POM121L2: variants seen among roughly 807,000 people sequenced by gnomAD.
POM121L2 encodes the protein POM121-like protein 2.
For missense variants in POM121L2, 1,167 were observed against 1,260.3 expected (o/e 0.93, Z 1.12); for synonymous variants, 459 against 483.8 (o/e 0.95, Z 0.67).
upstream of POM121L2, chr6:27,311,352 ACTTCT>A: frequency 6.4e-7 from 1 of 1,551,696 alleles, no homozygotes; most frequent in South Asian, 1.2e-5. Flanking sequence ...CACTGGGAAC[ACTTCT>A]CTTCCAAGGG....
rs1326764087 is a variant in POM121L2, at chr6:27,309,251, G to C, written c.2920C>G (p.Pro974Ala). 1.3e-6 allele frequency: 2 copies of C among 1,551,832 alleles called. No homozygotes were observed. The highest frequency in any genetic ancestry group is 1.7e-6 in the Non-Finnish European group (2 of 1,147,012). The change falls in exon 1 of 1, where the codon CCA becomes GCA. Residue 974 changes from proline (P) to alanine (A), a missense_variant. Transcript: ENST00000444565. ...KTMAPIAQNTPVPGQAKAGSS... is the reference protein window; with the variant it reads ...KTMAPIAQNTAVPGQAKAGSS... ...CCTGCCTTAGCTTGTCCAGGGACTGGGGTGTTTTGAGCAATGGGGGCCATA... is the reference window on the plus strand; with the variant it reads ...CCTGCCTTAGCTTGTCCAGGGACTGCGGTGTTTTGAGCAATGGGGGCCATA...
At position 27,311,059 on chromosome 6, in the gene POM121L2, T is replaced by C; in HGVS notation, c.1112A>G (p.Asn371Ser). 6.4e-7 allele frequency: 1 copy of C among 1,552,038 alleles called. No homozygotes were observed. The highest frequency in any genetic ancestry group is 8.7e-7 in the Non-Finnish European group (1 of 1,147,070). The change falls in exon 1 of 1, where the codon AAC becomes AGC. Residue 371 changes from asparagine to serine, a missense_variant. Asn to Ser is a conservative substitution (Grantham distance 46). Transcript: ENST00000444565. ...NNAGEDTTEV[N>S]TDPFPETWLA... ...CCAAGTCTCAGGGAAAGGGTCTGTG[T>C]TGACCTCAGTTGTATCTTCTCCTGC...
Position 27,309,568 on chromosome 6 carries a change from A to G in POM121L2, c.2603T>C (p.Val868Ala). 2 of 1,551,968 alleles carry G rather than the reference A, an allele frequency of 1.3e-6. No individual in the cohort carries two copies. Among genetic ancestry groups the G allele is most frequent in the South Asian group, 2.4e-5 (2 of 84,062 alleles). ...SQASTTGFRI[V>A]IQTHQSGAFG... ...AGCCCCACTTTGGTGGGTCTGAATT[A>G]CAATTCTAAACCCAGTTGTACTAGC... Residue 868 changes from valine (V) to alanine (A), a missense_variant, in exon 1 of 1, where the codon GTA (valine) becomes GCA (alanine). Coordinates refer to ENST00000444565, the MANE Select transcript of POM121L2 (RefSeq NM_033482.4).
Position 27,310,199 on chromosome 6 carries a change from C to G in POM121L2, c.1972G>C (p.Val658Leu), listed in dbSNP as rs542468240. 4.5e-6 allele frequency: 7 copies of G among 1,552,228 alleles called. No individual in the cohort carries two copies. Among genetic ancestry groups the G allele is most frequent in the South Asian group, 2.4e-5 (2 of 84,054 alleles). The change falls in exon 1 of 1, where the codon GTC (valine) becomes CTC (leucine). Residue 658 changes from valine to leucine, a missense_variant. By Grantham distance (32) the Val-to-Leu change is conservative (BLOSUM62 1). Coordinates refer to ENST00000444565, the MANE Select transcript of POM121L2 (RefSeq NM_033482.4). ...AGGAAAGTGTCGCAAGTGGAAGGGACAGAATAAGTGTTGCCTACGGCACTG... is the reference window on the plus strand; with the variant it reads ...AGGAAAGTGTCGCAAGTGGAAGGGAGAGAATAAGTGTTGCCTACGGCACTG... Reference protein sequence around the residue: ...VTSAVGNTYSVPSTCDTFLLG... With the variant: ...VTSAVGNTYSLPSTCDTFLLG...
At position 27,310,298 on chromosome 6, in the gene POM121L2, A is replaced by G; in HGVS notation, c.1873T>C (p.Ser625Pro). 6.4e-7 allele frequency: 1 copy of G among 1,552,348 alleles called. No individual in the cohort carries two copies. Among genetic ancestry groups the G allele is most frequent in the Non-Finnish European group, 8.7e-7 (1 of 1,147,126 alleles). ...GLVKATSVVM[S>P]TTLASTSKDS... Reference sequence around the variant, plus strand: ...TTAGATGTGCTGGCTAGGGTGGTGGACATGACCACAGAGGTGGCCTTGACC... The same window carrying G: ...TTAGATGTGCTGGCTAGGGTGGTGGGCATGACCACAGAGGTGGCCTTGACC... The change falls in exon 1 of 1, where the codon TCC (serine) becomes CCC (proline). Residue 625 changes from serine (S) to proline (P), a missense_variant. Transcript: ENST00000444565.
chr6:27,310,668 T>TG lies in POM121L2; in HGVS notation c.216+428dup, dbSNP rs1362794376. On this transcript the variant is annotated intron_variant, in intron 1 of 1. Transcript: ENST00000429945. ...CAAGCAAAGTACTTTGGATGGTGGG[T>TG]GGTGCAGGTGGGTCTGGGGGCATGG... 4.5e-5 allele frequency: 70 copies of TG among 1,551,614 alleles called. No individual in the cohort carries two copies. The East Asian group carries it at 1.7e-3, about 38-fold the overall frequency.
rs1306422431 is a variant in POM121L2, at chr6:27,309,359, C to T, written c.2812G>A (p.Gly938Ser). The change falls in exon 1 of 1, where the codon GGC becomes AGC. Residue 938 changes from glycine to serine, a missense_variant. Physicochemically the swap from Gly to Ser is moderately conservative, Grantham distance 56 (BLOSUM62 0). Transcript: ENST00000444565. ...TTNTMIPFGK[G>S]WSQNTEGLPS... Reference sequence around the variant, plus strand: ...AGGCCTTCAGTGTTCTGGCTCCAGCCTTTTCCAAAGGGGATCATGGTGTTA... The same window carrying T: ...AGGCCTTCAGTGTTCTGGCTCCAGCTTTTTCCAAAGGGGATCATGGTGTTA... 1 of 1,551,486 alleles carries T rather than the reference C, an allele frequency of 6.4e-7. No individual in the cohort carries two copies. The highest frequency in any genetic ancestry group is 2.4e-5 in the East Asian group (1 of 40,924).
At chr6:27,309,178 ACAGAG>A in intron 1 of POM121L2, 1 of 1,551,766 alleles carries the variant, frequency 6.4e-7, no homozygotes, top group Non-Finnish European at 8.7e-7. Flanking sequence ...TCCTCTCCCA[ACAGAG>A]CCCTGGGCAG....
rs564224733 is a variant in POM121L2, at chr6:27,308,859, C to T, written c.*204G>A. On this transcript the variant is annotated 3_prime_UTR_variant, in exon 1 of 1. Transcript: ENST00000444565. ...CTGTTCAAGTCCAATGGGTTTGGTTCCACCTGGCCTCAATCTGCAATCAGC... is the reference window on the plus strand; with the variant it reads ...CTGTTCAAGTCCAATGGGTTTGGTTTCACCTGGCCTCAATCTGCAATCAGC... Among the ~76,000 whole-genome samples the T allele has an allele frequency of 6.6e-6, 1 of 152,280 alleles. No homozygotes were observed. The highest frequency in any genetic ancestry group is 1.9e-4 in the East Asian group (1 of 5,182).
At position 27,310,005 on chromosome 6, in the gene POM121L2, C is replaced by T. The variant is rs1425761439; in HGVS notation, c.2166G>A (p.Arg722=). 2 of 1,551,818 alleles carry T rather than the reference C, an allele frequency of 1.3e-6. No homozygotes were observed. The highest frequency in any genetic ancestry group is 1.7e-6 in the Non-Finnish European group (2 of 1,147,052). ...ISPRSSTANF[R]GMGSPLPASA... ...AGGCAGGCAGAGGGCTGCCCATACC[C>T]CTGAAATTAGCAGTGCTGCTTCTAG... The change falls in exon 1 of 1, where the codon AGG becomes AGA. Residue 722 remains arginine, a synonymous_variant. Transcript: ENST00000444565.
rs6456773 is a variant in POM121L2, at chr6:27,309,623, C to T, written c.2548G>A (p.Gly850Ser). 1,518,229 of 1,551,780 alleles carry T rather than the reference C, an allele frequency of 0.98. 742,908 individuals carry two copies. The highest frequency in any genetic ancestry group is 1 in the East Asian group (40,819 of 40,912). ...CTAATGGGAAAACCTGCTGGAATGC[C>T]GCCAATGCCTGACCAGGTGCTGGCA... ...TPASTWSGIG[G>S]IPAGFPISQA... Residue 850 changes from glycine to serine, a missense_variant, in exon 1 of 1, where the codon GGC becomes AGC. Transcript: ENST00000444565.
At position 27,310,995 on chromosome 6, in the gene POM121L2, A is replaced by G. The variant is rs967264376; in HGVS notation, c.1176T>C (p.Ser392=). Residue 392 remains serine (S), a synonymous_variant, in exon 1 of 1, where the codon TCT becomes TCC. Transcript: ENST00000444565. ...IQPSLSLALP[S]SETDLTQGAN... Reference sequence around the variant, plus strand: ...CTCCCTGGGTTAGATCTGTTTCTGAAGAAGGCAGAGCAAGAGACAAGGAAG... The same window carrying G: ...CTCCCTGGGTTAGATCTGTTTCTGAGGAAGGCAGAGCAAGAGACAAGGAAG... 4 of 1,552,138 alleles carry G rather than the reference A, an allele frequency of 2.6e-6. No individual in the cohort carries two copies. The highest frequency in any genetic ancestry group is 3.9e-5 in the Admixed American group (2 of 50,992).
rs1245313643 is a variant in POM121L2, at chr6:27,309,974, G to C, written c.2197C>G (p.Leu733Val). 1.3e-6 allele frequency: 2 copies of C among 1,551,824 alleles called. No homozygotes were observed. Among genetic ancestry groups the C allele is most frequent in the Admixed American group, 2.0e-5 (1 of 51,004 alleles). The change falls in exon 1 of 1, where the codon CTA becomes GTA. Residue 733 changes from leucine to valine, a missense_variant. Coordinates refer to ENST00000444565, the MANE Select transcript of POM121L2 (RefSeq NM_033482.4). ...GMGSPLPASA[L>V]VSTNWLASTP... ...GATGCAAGCCAGTTTGTGGATACTAGGGCAGAGGCAGGCAGAGGGCTGCCC... is the reference window on the plus strand; with the variant it reads ...GATGCAAGCCAGTTTGTGGATACTACGGCAGAGGCAGGCAGAGGGCTGCCC...
chr6:27,311,134 T>A lies in POM121L2; in HGVS notation c.1037A>T (p.Asp346Val), dbSNP rs1452900413. 5 of 1,551,742 alleles carry A rather than the reference T, an allele frequency of 3.2e-6. No individual in the cohort carries two copies. The highest frequency in any genetic ancestry group is 3.5e-6 in the Non-Finnish European group (4 of 1,147,044). Residue 346 changes from aspartate to valine, a missense_variant, in exon 1 of 1, where the codon GAT (aspartate) becomes GTT (valine). Transcript: ENST00000444565. ...TTTCTTCCCCAAAGTCAAGTTCTCATCAGAGACTGCATAACCAAGCTGGGG... is the reference window on the plus strand; with the variant it reads ...TTTCTTCCCCAAAGTCAAGTTCTCAACAGAGACTGCATAACCAAGCTGGGG... ...PPPQLGYAVS[D>V]ENLTLGKKAE...
chr6:27,311,292 A>G lies in POM121L2; in HGVS notation c.879T>C (p.His293=), dbSNP rs1011418874. 3 of 1,551,700 alleles carry G rather than the reference A, an allele frequency of 1.9e-6. No individual in the cohort carries two copies. Among genetic ancestry groups the G allele is most frequent in the Non-Finnish European group, 2.6e-6 (3 of 1,147,014 alleles). Residue 293 remains histidine (H), a synonymous_variant, in exon 1 of 1, where the codon CAT becomes CAC. Transcript: ENST00000444565. ...EWPIKKEKSC[H]RPSSPVPLVS... Reference sequence around the variant, plus strand: ...CCAGTGGGACTGGAGAGGAAGGCCGATGACAACTTTTTTCCTTTTTTATTG... The same window carrying G: ...CCAGTGGGACTGGAGAGGAAGGCCGGTGACAACTTTTTTCCTTTTTTATTG...
In POM121L2 at chr6:27,310,704, A is replaced by G. The variant is rs1209013936; in HGVS notation, c.1467T>C (p.Ala489=). ...DTTWPPSTSQ[A]DRSPMPPDPP... is the part of the protein sequence containing the mutation. Reference sequence around the variant, plus strand: ...GGTCTGGGGGCATGGGAGACCTGTCAGCCTGAGAGGTTGAAGGCGGCCAGG... The same window carrying G: ...GGTCTGGGGGCATGGGAGACCTGTCGGCCTGAGAGGTTGAAGGCGGCCAGG... Residue 489 remains alanine (A), a synonymous_variant, in exon 1 of 1, where the codon GCT becomes GCC. Coordinates refer to ENST00000444565, the MANE Select transcript of POM121L2 (RefSeq NM_033482.4). 6.4e-6 allele frequency: 10 copies of G among 1,551,938 alleles called. No individual in the cohort carries two copies. The South Asian group carries it at 1.2e-4, about 18-fold the overall frequency.
At position 27,311,413 on chromosome 6, in the gene POM121L2, C is replaced by G; in HGVS notation, c.758G>C (p.Arg253Thr). The change falls in exon 1 of 1, where the codon AGG becomes ACG. Residue 253 changes from arginine to threonine, a missense_variant. Physicochemically the swap from Arg to Thr is moderately conservative, Grantham distance 71 (BLOSUM62 -1). Coordinates refer to ENST00000444565, the MANE Select transcript of POM121L2 (RefSeq NM_033482.4). ...IYRGGTLSSK[R>T]NAIGSSYSSC... is the part of the protein sequence containing the mutation. ...GCTGTAAGAGCTGCCAATAGCATTC[C>G]TTTTGGAGCTGAGGGTGCCACCTCT... 1.3e-6 allele frequency: 2 copies of G among 1,551,790 alleles called. No individual in the cohort carries two copies. The highest frequency in any genetic ancestry group is 1.7e-4 in the Middle Eastern group (1 of 5,992).
rs746695756 is a variant in POM121L2 at position 27,309,129 on chromosome 6, T to C, written c.3042A>G (p.Ala1014=). Residue 1014 remains alanine, a synonymous_variant, in exon 1 of 1, where the codon GCA becomes GCG. Coordinates refer to ENST00000444565, the MANE Select transcript of POM121L2 (RefSeq NM_033482.4). ...CCCGATTCTTTGGGGTTTTTGATTT[T>C]GCGCCAATGGAAAATGAAGAGGCTG... ...RSSASSFSIG[A]KSKTPKNREK... 1 of 1,551,852 alleles carries C rather than the reference T, an allele frequency of 6.4e-7. No individual in the cohort carries two copies. The highest frequency in any genetic ancestry group is 1.2e-5 in the South Asian group (1 of 84,064).
chr6:27,310,268 A>T lies in POM121L2; in HGVS notation c.1903T>A (p.Ser635Thr), dbSNP rs1268948527. ...STTLASTSKD[S>T]VFKPPLDFGV... is the part of the protein sequence containing the mutation. The stretch of plus-strand genomic sequence containing the variant: ...AAATCCAAAGGTGGCTTAAAAACAG[A>T]GTCTTTAGATGTGCTGGCTAGGGTG... The change falls in exon 1 of 1, where the codon TCT becomes ACT. Residue 635 changes from serine (S) to threonine (T), a missense_variant. By Grantham distance (58) the Ser-to-Thr change is moderately conservative. Coordinates refer to ENST00000444565, the MANE Select transcript of POM121L2 (RefSeq NM_033482.4). The T allele has an allele frequency of 1.3e-6, 2 of 1,552,266 alleles. No individual in the cohort carries two copies. Among genetic ancestry groups the T allele is most frequent in the African/African-American group, 2.7e-5 (2 of 73,058 alleles).
Sources: allele counts gnomAD v4.1 joint callset (sites outside exome capture counted in the v4.1 genomes callset), GRCh38; gene constraint gnomAD v4.1.1; transcripts MANE v1.5; gene names NCBI Gene and HGNC (gene_info 2026-07-23, HGNC 2026-07-21).